The following MARCHF1 variants were observed in gnomAD, a reference collection of about 807,000 sequenced individuals.
The protein encoded by MARCHF1 is E3 ubiquitin-protein ligase MARCHF1.
A neutral mutation model predicts 54.2 loss-of-function variants in MARCHF1; 40 were observed. The ratio of observed to expected loss-of-function variants is 0.74; its 90% CI spans 0.57 to 0.96. The LOEUF (loss-of-function observed/expected upper bound fraction) is 0.96, where lower values mean the gene tolerates loss of function less well. Ranked by LOEUF, MARCHF1 falls within the 40% of genes least tolerant of loss-of-function variation. MARCHF1 has a pLI of 0.00. For missense variants in MARCHF1, 586 were observed against 656.5 expected, an observed-to-expected ratio of 0.89 and a Z score of 1.17; for synonymous variants, 236 against 236.3, an observed-to-expected ratio of 1.00 and a Z score of 0.01.
intron 3 of MARCHF1, among the ~76,000 whole-genome samples, chr4:163,926,938 AGCT>A (rs2111379492): frequency 6.6e-6 from 1 of 151,800 alleles, no homozygotes; most frequent in East Asian, 1.9e-4. Context: ...GTCATAGAAC[AGCT>A]AAATATTAAT....
At position 163,734,767 on chromosome 4, in the gene MARCHF1, T is replaced by C. The variant is rs541612804; in HGVS notation, c.112-33904A>G. 2.0e-5 allele frequency among the ~76,000 whole-genome samples: 3 copies of C among 152,238 alleles called. No homozygotes were observed. In the South Asian group the frequency reaches 6.2e-4, roughly 32 times the overall value. On this transcript the variant is annotated intron_variant, in intron 4 of 9. Transcript: ENST00000514618. ...CTCATTATATTGATTGCAGTAATGA[T>C]TTCACAGGCTTATACATATGTTAAA...
At chr4:164,368,017 A>G (rs557638946) in intron 1 of MARCHF1, among the ~76,000 whole-genome samples, 1 of 148,720 alleles carries the variant, frequency 6.7e-6, no homozygotes, top group African/African-American at 2.4e-5. Context: ...AATGTTAATG[A>G]GCTAAGAATT....
chr4:163,752,438 C>T (rs1746550076), intron 4 of MARCHF1, among the ~76,000 whole-genome samples: 1 of 152,140 alleles, frequency 6.6e-6, no homozygotes, highest in South Asian at 2.1e-4. Flanking sequence ...CTGAAGCCAG[C>T]CTACTTGGCT....
intron 4 of MARCHF1, among the ~76,000 whole-genome samples, chr4:163,724,565 G>A (rs929714123): frequency 7.2e-5 from 11 of 152,176 alleles, no homozygotes; most frequent in Admixed American, 7.2e-4. Context: ...AGTATGCAGA[G>A]GTTTCTGCTG....
rs144471814 is a variant in MARCHF1, at chr4:163,885,183, T to A, written c.-38-31014A>T. Among the ~76,000 whole-genome samples, 364 of 152,296 alleles carry A rather than the reference T, an allele frequency of 2.4e-3. 3 individuals are homozygous for A. The highest frequency in any genetic ancestry group is 0.014 in the Middle Eastern group (4 of 294). ...CATCCTCAATCAGCCATACACACCA[T>A]GGGAGGTTCCTTGAAGGGAAAGTAT... On this transcript the variant is annotated intron_variant, in intron 3 of 9. Coordinates refer to ENST00000514618, the MANE Select transcript of MARCHF1 (RefSeq NM_001394959.1).
At chr4:163,608,469 A>G (rs1243629309) in intron 7 of MARCHF1, among the ~76,000 whole-genome samples, 1 of 152,054 alleles carries the variant, frequency 6.6e-6, no homozygotes, top group Non-Finnish European at 1.5e-5. Context: ...AAGATTTTGC[A>G]CCTTCCAGTG....
chr4:163,544,455 C>A (rs1248270217), intron 9 of MARCHF1, among the ~76,000 whole-genome samples: 1 of 152,166 alleles, frequency 6.6e-6, no homozygotes, highest in Non-Finnish European at 1.5e-5. Context: ...TGTCACCATC[C>A]CCTCTTTGAC....
chr4:164,041,714 A>G (rs1754132865), intron 2 of MARCHF1, among the ~76,000 whole-genome samples: 1 of 152,174 alleles, frequency 6.6e-6, no homozygotes, highest in Admixed American at 6.6e-5. Flanking sequence ...GTGCCCCACC[A>G]CAGATATGAC....
At chr4:163,564,427 A>C (rs1739577150) in intron 8 of MARCHF1, among the ~76,000 whole-genome samples, 1 of 152,252 alleles carries the variant, frequency 6.6e-6, no homozygotes, top group Admixed American at 6.5e-5. Flanking sequence ...TGTTTTATCT[A>C]ATAAATGTGC....
chr4:163,850,102 C>G (rs553797742), intron 4 of MARCHF1, among the ~76,000 whole-genome samples: 1 of 152,126 alleles, frequency 6.6e-6, no homozygotes, highest in African/African-American at 2.4e-5. Context: ...AGTGTCATTC[C>G]AGGAATGCTT....
chr4:164,063,930 T>A (rs1754673757), intron 2 of MARCHF1, among the ~76,000 whole-genome samples: 1 of 152,186 alleles, frequency 6.6e-6, no homozygotes, highest in Non-Finnish European at 1.5e-5. Flanking sequence ...TATTTCTCCA[T>A]TGTTTGTTTT....
At chr4:163,940,769 C>A (rs901469334) in intron 3 of MARCHF1, among the ~76,000 whole-genome samples, 2 of 152,014 alleles carry the variant, frequency 1.3e-5, no homozygotes, top group Non-Finnish European at 2.9e-5. Context: ...CAGTATATAT[C>A]CATTTGGTTG....
chr4:163,956,171 C>T (rs1752229230), intron 3 of MARCHF1, among the ~76,000 whole-genome samples: 1 of 152,036 alleles, frequency 6.6e-6, no homozygotes, highest in Non-Finnish European at 1.5e-5. Context: ...GTAGTAGCCT[C>T]ATAATATTTA....
Position 163,978,478 on chromosome 4 carries a change from T to A in MARCHF1, c.-39+10023A>T, listed in dbSNP as rs1244154900. Reference sequence around the variant, plus strand: ...CTTGGAGATATTAACTCATTTGAAGTCTCATAACTTTATGAGGTAGTTCTC... The same window carrying A: ...CTTGGAGATATTAACTCATTTGAAGACTCATAACTTTATGAGGTAGTTCTC... On this transcript the variant is annotated intron_variant, in intron 3 of 9. Transcript: ENST00000514618. 2.0e-5 allele frequency among the ~76,000 whole-genome samples: 3 copies of A among 152,254 alleles called. No individual in the cohort carries two copies. In the East Asian group the frequency reaches 5.8e-4, roughly 29 times the overall value.
intron 3 of MARCHF1, among the ~76,000 whole-genome samples, chr4:163,963,779 T>C (rs924536064): frequency 5.3e-5 from 8 of 151,936 alleles, no homozygotes; most frequent in African/African-American, 1.9e-4. Flanking sequence ...ACTATTATCC[T>C]GTGAAAAACT....
intron 4 of MARCHF1, among the ~76,000 whole-genome samples, chr4:163,747,057 A>G (rs2110760235): frequency 6.6e-6 from 1 of 152,320 alleles, no homozygotes; most frequent in Middle Eastern, 3.4e-3. Context: ...GGGTCTGCCA[A>G]TGGTACCGTC....
intron 3 of MARCHF1, among the ~76,000 whole-genome samples, chr4:163,925,756 T>G (rs1488037863): frequency 6.6e-6 from 1 of 151,758 alleles, no homozygotes; most frequent in Non-Finnish European, 1.5e-5. Context: ...GAGAAACTGC[T>G]CATTTTGGGT....
At chr4:164,248,935 A>G (rs1045000502) in intron 1 of MARCHF1, among the ~76,000 whole-genome samples, 2 of 152,092 alleles carry the variant, frequency 1.3e-5, no homozygotes, top group African/African-American at 4.8e-5. Context: ...TTAAAAATTC[A>G]TAATTCATTG....
intron 4 of MARCHF1, among the ~76,000 whole-genome samples, chr4:163,806,106 A>G (rs1282217511): frequency 2.0e-5 from 3 of 152,234 alleles, no homozygotes; most frequent in African/African-American, 7.2e-5. Flanking sequence ...TGCAGGCCTG[A>G]AGCATCAAGG....
Sources: gnomAD v4.1 joint callset for allele counts (sites outside exome capture counted in the v4.1 genomes callset) on GRCh38, gnomAD v4.1.1 for gene constraint, MANE v1.5 for transcripts, NCBI Gene and HGNC (gene_info 2026-07-23, HGNC 2026-07-21) for gene names.